Variants in ANXA7 observed in about 807,000 individuals in gnomAD.
The protein encoded by ANXA7 is annexin A7, also known as annexin VII.
A neutral mutation model predicts 64.9 loss-of-function variants in ANXA7; 55 were observed. That is an observed-to-expected ratio of 0.85 (90% CI 0.68 to 1.06). The LOEUF is 1.06. Ranked by LOEUF, ANXA7 falls within the 50% of genes least tolerant of loss-of-function variation. ANXA7 has a pLI of 0.00. For synonymous variants in ANXA7, 200 were observed against 192.4 expected (o/e 1.04, Z -0.33); for missense variants, 548 against 582.1 (o/e 0.94, Z 0.60).
intron 3 of ANXA7, 42 bp downstream of exon 3, chr10:73,398,139 C>G (rs750654558): frequency 6.4e-7 from 1 of 1,572,182 alleles, no homozygotes; most frequent in Admixed American, 1.8e-5. Context: ...AAAAGTGCTA[C>G]AGCAATCCCA....
In ANXA7 at chr10:73,396,526, G is replaced by T. The variant is rs148945182; in HGVS notation, c.428C>A (p.Pro143His). 458 of 1,609,526 alleles carry T rather than the reference G, an allele frequency of 2.8e-4. 3 individuals carry two copies. The African/African-American group carries it at 5.4e-3, about 19-fold the overall frequency. ...SQYPGGQPTY[P>H]SQPATVTQVT... The stretch of plus-strand genomic sequence containing the variant: ...AAGGTAGGAACAAAATACCTGACTA[G>T]GGTAAGTAGGTTGTCCTCCAGGATA... The change falls in exon 5 of 13, where the codon CCT (proline) becomes CAT (histidine). Residue 143 changes from proline to histidine, a missense_variant. Transcript: ENST00000372921.
chr10:73,393,354 A>T (rs1025334258), intron 5 of ANXA7, among the ~76,000 whole-genome samples: 20 of 152,286 alleles, frequency 1.3e-4, no homozygotes, highest in Non-Finnish European at 2.2e-4. Context: ...ATTGGAAAAA[A>T]CTACTTTAAA....
chr10:73,390,161 C>T (rs896393894), intron 5 of ANXA7, among the ~76,000 whole-genome samples: 1 of 152,118 alleles, frequency 6.6e-6, no homozygotes, highest in Admixed American at 6.5e-5. Flanking sequence ...TTTAAACATG[C>T]AATCAATACC....
At chr10:73,390,753 T>C (rs2055467238) in intron 5 of ANXA7, among the ~76,000 whole-genome samples, 1 of 146,526 alleles carries the variant, frequency 6.8e-6, no homozygotes, top group Non-Finnish European at 1.5e-5. Flanking sequence ...CACATATATA[T>C]ATATTGATTT....
At chr10:73,387,820 A>T in intron 6 of ANXA7, 37 bp from the exon 7 acceptor site, 1 of 1,394,402 alleles carries the variant, frequency 7.2e-7, no homozygotes, top group Non-Finnish European at 1.0e-6. Context: ...AGGACAAAGT[A>T]CATGCTAGGT....
At chr10:73,383,060 A>G (rs745506343) in intron 9 of ANXA7, 115 bp downstream of exon 9, 1 of 894,918 alleles carries the variant, frequency 1.1e-6, no homozygotes, top group Admixed American at 2.8e-5. Context: ...TCCCTCTTAA[A>G]GATGGCAATA....
chr10:73,400,683 T>C, intron 2 of ANXA7, 120 bp downstream of exon 2: 1 of 727,198 alleles, frequency 1.4e-6, no homozygotes, highest in Non-Finnish European at 2.1e-6. Context: ...CACTTCTACG[T>C]AGTACCTCTG....
At chr10:73,400,010 G>A (rs1269475368) in intron 2 of ANXA7, among the ~76,000 whole-genome samples, 1 of 151,718 alleles carries the variant, frequency 6.6e-6, no homozygotes, top group Non-Finnish European at 1.5e-5. Context: ...AGGCACAGTG[G>A]CGGGCACCTG....
At chr10:73,387,648 C>T (rs759395560) in intron 7 of ANXA7, 41 bp downstream of exon 7, 54 of 1,443,000 alleles carry the variant, frequency 3.7e-5, no homozygotes, top group Non-Finnish European at 5.2e-5. Context: ...GCAGAGTCTA[C>T]CAGCCACTGC....
intron 1 of ANXA7, among the ~76,000 whole-genome samples, chr10:73,407,628 T>C (rs1289424633): frequency 6.6e-6 from 1 of 152,248 alleles, no homozygotes; most frequent in Non-Finnish European, 1.5e-5. Flanking sequence ...CATATTTCTT[T>C]TATATCAGAT....
chr10:73,413,198 C>T (rs1271529455), intron 1 of ANXA7, among the ~76,000 whole-genome samples: 7 of 152,150 alleles, frequency 4.6e-5, no homozygotes, highest in Non-Finnish European at 1.0e-4. Context: ...TGAAAGTTTG[C>T]AGTGGCCAAA....
chr10:73,399,898 T>G (rs1176313407), intron 2 of ANXA7, among the ~76,000 whole-genome samples: 2 of 151,310 alleles, frequency 1.3e-5, no homozygotes, highest in East Asian at 3.9e-4. Context: ...TCCCAGCACT[T>G]TGGGAGGCCA....
At chr10:73,389,284 C>A (rs529853647) in intron 5 of ANXA7, among the ~76,000 whole-genome samples, 1 of 152,200 alleles carries the variant, frequency 6.6e-6, no homozygotes, top group East Asian at 1.9e-4. Flanking sequence ...AGGGCATGAA[C>A]AACAAAGACT....
chr10:73,400,031 T>TG (rs2132687993), intron 2 of ANXA7, among the ~76,000 whole-genome samples: 1 of 151,368 alleles, frequency 6.6e-6, no homozygotes, highest in East Asian at 2.0e-4. Flanking sequence ...AAATCCTAGC[T>TG]ACTCGGGAGG....
Position 73,376,080 on chromosome 10 carries a change from A to G in ANXA7, c.*15T>C. On this transcript the variant is annotated 3_prime_UTR_variant, in exon 13 of 13. Transcript: ENST00000372921. ...GAATAGAAATTTTTTTTCATTAAAA[A>G]AAAAAAAATCCCTCCTACTGGCCCA... The G allele has an allele frequency of 6.5e-7, 1 of 1,530,806 alleles. No individual in the cohort carries two copies. The highest frequency in any genetic ancestry group is 8.7e-7 in the Non-Finnish European group (1 of 1,145,616). The allele number at this position is 1,530,806 out of a possible 1,614,324, so 94.8% of individuals were successfully genotyped here.
chr10:73,383,748 T>A, intron 7 of ANXA7, 58 bp from the exon 8 acceptor site: 2 of 1,095,788 alleles, frequency 1.8e-6, no homozygotes. Flanking sequence ...GTCACTTAAA[T>A]CTTTTAAGGA....
In ANXA7 at chr10:73,396,677, T is replaced by G. The variant is rs771637327; in HGVS notation, c.371-94A>C. 584 of 722,318 alleles carry G rather than the reference T, an allele frequency of 8.1e-4. 1 individual carries two copies. Among genetic ancestry groups the G allele is most frequent in the Middle Eastern group, 3.3e-3 (9 of 2,710 alleles). 44.7% of individuals were successfully genotyped at this position (722,318 alleles called of 1,614,324 possible). Reference sequence around the variant, plus strand: ...ATTGATGACTATGAATATGGAAACATACAAGAACATTCACACTATGATACT... The same window carrying G: ...ATTGATGACTATGAATATGGAAACAGACAAGAACATTCACACTATGATACT... On this transcript the variant is annotated intron_variant, in intron 4 of 12. Transcript: ENST00000372921.
At chr10:73,400,149 C>T (rs202003386) in intron 2 of ANXA7, among the ~76,000 whole-genome samples, 7 of 132,246 alleles carry the variant, frequency 5.3e-5, no homozygotes, top group African/African-American at 1.6e-4. Context: ...CTCAAAAACA[C>T]AAACAAACAA....
intron 9 of ANXA7, among the ~76,000 whole-genome samples, chr10:73,380,405 G>T (rs1432353283): frequency 4.6e-5 from 7 of 151,926 alleles, no homozygotes; most frequent in African/African-American, 1.5e-4. Flanking sequence ...AGATAGCTGG[G>T]ACTACAGGCA....
Sources: allele counts gnomAD v4.1 joint callset (sites outside exome capture counted in the v4.1 genomes callset), GRCh38; gene constraint gnomAD v4.1.1; transcripts MANE v1.5; gene names NCBI Gene and HGNC (gene_info 2026-07-23, HGNC 2026-07-21).